The following TGDS variants were observed in gnomAD, a reference collection of about 807,000 sequenced individuals.
The protein encoded by TGDS is UDP-D-glucose 4,6-dehydratase.
Under a neutral mutation model 52.3 loss-of-function variants are expected in TGDS, and 47 were observed. The ratio of observed to expected loss-of-function variants is 0.90; its 90% CI spans 0.71 to 1.15. The LOEUF (loss-of-function observed/expected upper bound fraction) is 1.15. TGDS is among the 50% of genes most tolerant of loss of function. TGDS has a pLI of 0.00. For synonymous variants in TGDS, 115 were observed against 136.9 expected (o/e 0.84, Z 1.12); for missense variants, 375 against 418.4 (o/e 0.90, Z 0.90).
chr13:94,583,913 T>C (rs989209810), intron 4 of TGDS, among the ~76,000 whole-genome samples: 8 of 152,152 alleles, frequency 5.3e-5, no homozygotes, highest in Non-Finnish European at 8.8e-5. Context: ...ACAGTTTAGA[T>C]GAAGAAATAT....
rs1208461606 is a variant in TGDS, at chr13:94,579,951, A to G, written c.558T>C (p.Phe186=). 6.3e-7 allele frequency: 1 copy of G among 1,593,048 alleles called. No homozygotes were observed. Among genetic ancestry groups the G allele is most frequent in the Non-Finnish European group, 8.6e-7 (1 of 1,164,364 alleles). The change falls in exon 7 of 12, where the codon TTT becomes TTC. Residue 186 remains phenylalanine, a splice_region_variant and synonymous_variant. Coordinates refer to ENST00000261296, the MANE Select transcript of TGDS (RefSeq NM_014305.4). ...FVQSYWEQYK[F]PVVITRSSNV... is the part of the protein sequence containing the mutation. Reference sequence around the variant, plus strand: ...TACTGCTTCTTGTGATGACAACTGGAAACTTAAAAGAATATCCAACATTAA... The same window carrying G: ...TACTGCTTCTTGTGATGACAACTGGGAACTTAAAAGAATATCCAACATTAA...
intron 6 of TGDS, among the ~76,000 whole-genome samples, chr13:94,580,694 A>G (rs958016033): frequency 6.6e-6 from 1 of 152,280 alleles, no homozygotes; most frequent in African/African-American, 2.4e-5. Context: ...AGAAAAAAAA[A>G]TGTATATTCA....
At chr13:94,577,174 AATAGTTTTTTAAGTCAC>A (rs1405944410) in intron 10 of TGDS, among the ~76,000 whole-genome samples, 180 bp downstream of exon 10, 1 of 152,202 alleles carries the variant, frequency 6.6e-6, no homozygotes, top group Non-Finnish European at 1.5e-5. Context: ...AGAAAGGGTC[AATAGTTTTTTAAGTCAC>A]ATAGCTAGTA....
chr13:94,580,146 G>T (rs1429438938), intron 6 of TGDS, among the ~76,000 whole-genome samples, 193 bp from the exon 7 acceptor site: 1 of 152,244 alleles, frequency 6.6e-6, no homozygotes, highest in Non-Finnish European at 1.5e-5. Flanking sequence ...AAAGGCAGAG[G>T]TTCCAAAAGA....
At chr13:94,593,456 T>C (rs1228056029) in intron 2 of TGDS, among the ~76,000 whole-genome samples, 2 of 152,110 alleles carry the variant, frequency 1.3e-5, no homozygotes, top group African/African-American at 4.8e-5. Flanking sequence ...CATCACCATA[T>C]GCCCCATAAC....
In TGDS at chr13:94,576,416, GA is replaced by G; in HGVS notation, c.885-6del. On this transcript the variant is annotated splice_polypyrimidine_tract_variant and splice_region_variant and intron_variant, in intron 10 of 11. Coordinates refer to ENST00000261296, the MANE Select transcript of TGDS (RefSeq NM_014305.4). ...TATCTCATGTCATTGGTGGGTCTTG[GA>G]AAACAAAACAGATTTAAAATAATAT... 6.4e-7 allele frequency: 1 copy of G among 1,562,162 alleles called. No homozygotes were observed. Among genetic ancestry groups the G allele is most frequent in the Non-Finnish European group, 8.7e-7 (1 of 1,151,316 alleles).
Position 94,583,218 on chromosome 13 carries a change from G to C in TGDS, c.332C>G (p.Ala111Gly), listed in dbSNP as rs748051295. The C allele has an allele frequency of 1.2e-6, 2 of 1,612,814 alleles. No individual in the cohort carries two copies. The highest frequency in any genetic ancestry group is 2.2e-5 in the South Asian group (2 of 90,732). ...AACATTAACATAGGTAAACTCAAAG[G>C]CACGTACGAATGAAAGATCTAAAAG... The part of the protein sequence containing the change: ...QTHVDLSFVR[A>G]FEFTYVNVYG... The change falls in exon 5 of 12, where the codon GCC becomes GGC. Residue 111 changes from alanine to glycine, a missense_variant. By Grantham distance (60) the Ala-to-Gly change is moderately conservative. Transcript: ENST00000261296.
chr13:94,575,025 A>T (rs1210766237), intron 11 of TGDS, among the ~76,000 whole-genome samples, 173 bp from the exon 12 acceptor site: 10 of 152,126 alleles, frequency 6.6e-5, no homozygotes, highest in Admixed American at 6.6e-4. Context: ...CAATGAAGTC[A>T]ATCAGAAGAC....
intron 3 of TGDS, 26 bp from the exon 4 acceptor site, chr13:94,590,969 G>C: frequency 1.3e-6 from 2 of 1,524,746 alleles, no homozygotes; most frequent in Non-Finnish European, 1.8e-6. Flanking sequence ...AACATGAAAG[G>C]GCCTAGGTTT....
intron 3 of TGDS, 116 bp downstream of exon 3, chr13:94,592,125 G>C: frequency 1.5e-6 from 1 of 660,838 alleles, no homozygotes; most frequent in South Asian, 2.8e-5. Flanking sequence ...TCTTTTAAAA[G>C]GTCTTTAATT....
Position 94,574,588 on chromosome 13 carries a change from G to T in TGDS, c.*194C>A. ...GAGAAAGGGTTTCAGAAAGAATTTT[G>T]ACATTTAAATTCTATGCCAGTACTG... On this transcript the variant is annotated 3_prime_UTR_variant, in exon 12 of 12. Coordinates refer to ENST00000261296, the MANE Select transcript of TGDS (RefSeq NM_014305.4). The T allele has an allele frequency of 2.0e-6, 1 of 505,458 alleles. No homozygotes were observed. The highest frequency in any genetic ancestry group is 3.5e-6 in the Non-Finnish European group (1 of 287,394). 31.3% of individuals were successfully genotyped at this position (505,458 alleles called of 1,614,324 possible).
Position 94,574,826 on chromosome 13 carries a change from T to C in TGDS, c.1009A>G (p.Asn337Asp). The change falls in exon 12 of 12, where the codon AAC (asparagine) becomes GAC (aspartate). Residue 337 changes from asparagine to aspartate, a missense_variant. Transcript: ENST00000261296. ...TIEWYRENFHNWKNVEKALEP... is the reference protein window; with the variant it reads ...TIEWYRENFHDWKNVEKALEP... Reference sequence around the variant, plus strand: ...AATGCCTTTTCCACATTCTTCCAGTTGTGAAAATTCTCTCTGTACCATTCA... The same window carrying C: ...AATGCCTTTTCCACATTCTTCCAGTCGTGAAAATTCTCTCTGTACCATTCA... The C allele has an allele frequency of 6.2e-7, 1 of 1,605,796 alleles. No homozygotes were observed. The highest frequency in any genetic ancestry group is 1.1e-5 in the South Asian group (1 of 90,748).
At chr13:94,575,157 G>T (rs1424302409) in intron 11 of TGDS, among the ~76,000 whole-genome samples, 2 of 151,998 alleles carry the variant, frequency 1.3e-5, no homozygotes, top group African/African-American at 4.8e-5. Context: ...GGAATTTGGG[G>T]TGTGGGAAAT....
chr13:94,590,746 T>C (rs927562008), intron 4 of TGDS, 107 bp downstream of exon 4: 2 of 856,198 alleles, frequency 2.3e-6, no homozygotes, highest in Non-Finnish European at 1.8e-6. Context: ...ACCGTGGGCT[T>C]GTTTTTCTAG....
chr13:94,582,785 T>C (rs960305141), intron 5 of TGDS, among the ~76,000 whole-genome samples: 5 of 152,344 alleles, frequency 3.3e-5, no homozygotes, highest in African/African-American at 9.6e-5. Flanking sequence ...CTTTCTCCCA[T>C]GCTGGATGCT....
chr13:94,593,830 A>G lies in TGDS; in HGVS notation c.153+11T>C, dbSNP rs774695903. 5 of 1,534,806 alleles carry G rather than the reference A, an allele frequency of 3.3e-6. No homozygotes were observed. The highest frequency in any genetic ancestry group is 4.5e-6 in the Non-Finnish European group (5 of 1,121,846). On this transcript the variant is annotated intron_variant, in intron 2 of 11. Transcript: ENST00000261296. ...ATTTCAGTGCATGATGCTCATTTTT[A>G]TAAAACTCACCTTGTCTAGATTTAT...
In TGDS at chr13:94,574,720, A is replaced by T; in HGVS notation, c.*62T>A. The T allele has an allele frequency of 2.0e-6, 2 of 1,005,580 alleles. No individual in the cohort carries two copies. The highest frequency in any genetic ancestry group is 3.1e-6 in the Non-Finnish European group (2 of 647,064). 62.3% of individuals were successfully genotyped at this position (1,005,580 alleles called of 1,614,324 possible). On this transcript the variant is annotated 3_prime_UTR_variant, in exon 12 of 12. Coordinates refer to ENST00000261296, the MANE Select transcript of TGDS (RefSeq NM_014305.4). ...ACTTCATTTGGTCACTTAATTTCAT[A>T]CCACTTGGCGAGGTAGGATAACTTT...
At position 94,576,340 on chromosome 13, in the gene TGDS, G is replaced by C. The variant is rs1235127517; in HGVS notation, c.956C>G (p.Pro319Arg). The C allele has an allele frequency of 1.2e-6, 2 of 1,601,432 alleles. No individual in the cohort carries two copies. The highest frequency in any genetic ancestry group is 2.7e-5 in the African/African-American group (2 of 74,332). Reference sequence around the variant, plus strand: ...TGTTTTCTTTATTCCTTCTTTCCAAGGCACTTTAGGTCTCCATCCTAAGCC... The same window carrying C: ...TGTTTTCTTTATTCCTTCTTTCCAACGCACTTTAGGTCTCCATCCTAAGCC... ...IHGLGWRPKVPWKEGIKKTIE... is the reference protein window; with the variant it reads ...IHGLGWRPKVRWKEGIKKTIE... The change falls in exon 11 of 12, where the codon CCT becomes CGT. Residue 319 changes from proline to arginine, a missense_variant. Transcript: ENST00000261296.
intron 4 of TGDS, among the ~76,000 whole-genome samples, chr13:94,586,409 G>A (rs997201470): frequency 3.3e-5 from 5 of 152,064 alleles, no homozygotes; most frequent in African/African-American, 4.8e-5. Context: ...CACATCACCG[G>A]GGAAAAAAGA....
Sources: gnomAD v4.1 joint callset for allele counts (sites outside exome capture counted in the v4.1 genomes callset) on GRCh38, gnomAD v4.1.1 for gene constraint, MANE v1.5 for transcripts, NCBI Gene and HGNC (gene_info 2026-07-23, HGNC 2026-07-21) for gene names.